Variants in RANBP2 observed in about 807,000 individuals in gnomAD.
RANBP2 encodes the protein E3 SUMO-protein ligase RanBP2.
A neutral mutation model predicts 303.6 loss-of-function variants in RANBP2; 57 were observed. The observed-to-expected ratio is 0.19, with a 90% CI of 0.15 to 0.23. The LOEUF (loss-of-function observed/expected upper bound fraction) is 0.23. Ranked by LOEUF, RANBP2 falls within the 10% of genes least tolerant of loss-of-function variation. RANBP2 has a pLI of 1.00. For synonymous variants in RANBP2, 1,167 were observed against 1,301.5 expected (o/e 0.90, Z 2.23); for missense variants, 3,138 against 3,780.8 (o/e 0.83, Z 4.46).
At chr2:108,820,290 G>GA in the RANBP2 span, among the ~76,000 whole-genome samples, 2 of 151,996 alleles carry the variant, frequency 1.3e-5, no homozygotes, top group Non-Finnish European at 1.5e-5. Context: ...GGAGCAAAGA[G>GA]AAAAAAACGA....
At chr2:108,788,067 GAGA>G (rs764807603), downstream of RANBP2, 8 of 1,597,574 alleles carry the variant, frequency 5.0e-6, no homozygotes, top group Admixed American at 1.7e-5. Flanking sequence ...CTAAGTATAA[GAGA>G]AGAACTCTAA....
chr2:109,401,872 A>G, the RANBP2 span, among the ~76,000 whole-genome samples: 6 of 152,182 alleles, frequency 3.9e-5, no homozygotes, highest in African/African-American at 1.2e-4. Flanking sequence ...ATTAATTTGC[A>G]TACTACCTGG....
the RANBP2 span, chr2:108,912,728 G>C: frequency 6.2e-7 from 1 of 1,602,898 alleles, no homozygotes; most frequent in South Asian, 1.1e-5. Context: ...CGAGGTGCCA[G>C]GGAAGTTGGC....
chr2:108,728,520 C>T (rs1208257319), intron 1 of RANBP2, among the ~76,000 whole-genome samples: 2 of 151,884 alleles, frequency 1.3e-5, no homozygotes, highest in East Asian at 3.9e-4. Flanking sequence ...AAACTCTTGG[C>T]CTCAAAGCTA....
the RANBP2 span, among the ~76,000 whole-genome samples, chr2:109,003,316 A>G: frequency 6.6e-6 from 1 of 151,728 alleles, no homozygotes; most frequent in South Asian, 2.1e-4. Flanking sequence ...TTATGAGCTT[A>G]GCACAGCACT....
chr2:109,430,572 C>A, the RANBP2 span, among the ~76,000 whole-genome samples: 2 of 152,100 alleles, frequency 1.3e-5, no homozygotes, highest in African/African-American at 2.4e-5. Context: ...CACCTCTCCC[C>A]GTTCTCCTCT....
At chr2:109,416,922 AAAG>A in the RANBP2 span, among the ~76,000 whole-genome samples, 3 of 151,444 alleles carry the variant, frequency 2.0e-5, no homozygotes, top group Admixed American at 6.6e-5. Flanking sequence ...AAAAAAAAAA[AAAG>A]AATTGTATGT....
At chr2:109,516,073 A>G in the RANBP2 span, among the ~76,000 whole-genome samples, 1 of 152,132 alleles carries the variant, frequency 6.6e-6, no homozygotes, top group Admixed American at 6.5e-5. Flanking sequence ...TCTCTAGCTG[A>G]GTGGAATGGT....
chr2:109,282,433 CT>C, the RANBP2 span, among the ~76,000 whole-genome samples: 6 of 152,196 alleles, frequency 3.9e-5, no homozygotes, highest in Non-Finnish European at 8.8e-5. Flanking sequence ...TAGGAATCTT[CT>C]GGTCCTGCTC....
chr2:109,490,816 G>C, the RANBP2 span: 1 of 1,536,984 alleles, frequency 6.5e-7, no homozygotes, highest in Non-Finnish European at 8.7e-7. Flanking sequence ...GGTGCCATGG[G>C]GATGGAGCCT....
At position 108,748,925 on chromosome 2, in the gene RANBP2, A is replaced by G. The variant is rs759527479; in HGVS notation, c.1069A>G (p.Met357Val). ...ACDRLSQSGH[M>V]LLNLSRGKQD... is the part of the protein sequence containing the mutation. Reference sequence around the variant, plus strand: ...AACTTAAATTTTTTTTTCAGGGCACATGTTGCTAAACTTAAGTCGTGGCAA... The same window carrying G: ...AACTTAAATTTTTTTTTCAGGGCACGTGTTGCTAAACTTAAGTCGTGGCAA... Residue 357 changes from methionine to valine, a missense_variant, in exon 9 of 29, where the codon ATG becomes GTG. Transcript: ENST00000283195. 6.2e-7 allele frequency: 1 copy of G among 1,612,008 alleles called. No individual in the cohort carries two copies. Among genetic ancestry groups the G allele is most frequent in the Non-Finnish European group, 8.5e-7 (1 of 1,179,862 alleles).
the RANBP2 span, among the ~76,000 whole-genome samples, chr2:109,407,110 G>T: frequency 6.6e-6 from 1 of 152,226 alleles, no homozygotes; most frequent in Non-Finnish European, 1.5e-5. Context: ...CTGGGCAGGG[G>T]CTCTTGCTGG....
the RANBP2 span, among the ~76,000 whole-genome samples, chr2:109,692,333 C>T: frequency 3.3e-5 from 5 of 152,106 alleles, no homozygotes; most frequent in East Asian, 1.9e-4. Flanking sequence ...AGAGGGGTGG[C>T]ACATCTCCTT....
At chr2:109,572,557 G>C in the RANBP2 span, among the ~76,000 whole-genome samples, 1 of 150,702 alleles carries the variant, frequency 6.6e-6, no homozygotes, top group Admixed American at 6.6e-5. Flanking sequence ...AACCCCTCTT[G>C]ACTGCCTGTT....
chr2:109,019,215 T>C, the RANBP2 span, among the ~76,000 whole-genome samples: 1 of 152,240 alleles, frequency 6.6e-6, no homozygotes, highest in Non-Finnish European at 1.5e-5. Flanking sequence ...GGAACAGTAC[T>C]GCCTGAATCA....
chr2:108,812,687 A>G, the RANBP2 span: 2 of 1,612,170 alleles, frequency 1.2e-6, no homozygotes, highest in East Asian at 2.2e-5. Context: ...AAAGAGTTCA[A>G]GCTCGTTTAG....
chr2:109,339,985 T>C, the RANBP2 span, among the ~76,000 whole-genome samples: 2 of 152,348 alleles, frequency 1.3e-5, no homozygotes, highest in Non-Finnish European at 2.9e-5. Flanking sequence ...CGCTTTGTGA[T>C]GCTGAGGAAT....
chr2:108,859,309 G>T, the RANBP2 span, among the ~76,000 whole-genome samples: 1 of 152,098 alleles, frequency 6.6e-6, no homozygotes, highest in Non-Finnish European at 1.5e-5. Flanking sequence ...TCCTTTGTTG[G>T]ATGCAGAATT....
the RANBP2 span, among the ~76,000 whole-genome samples, chr2:109,025,814 GA>G: frequency 8.8e-5 from 13 of 148,372 alleles, no homozygotes; most frequent in South Asian, 6.5e-4. Flanking sequence ...AAAAAAAAAA[GA>G]AAAAAAATTA....
Sources: allele counts gnomAD v4.1 joint callset (sites outside exome capture counted in the v4.1 genomes callset), GRCh38; gene constraint gnomAD v4.1.1; transcripts MANE v1.5; gene names NCBI Gene and HGNC (gene_info 2026-07-23, HGNC 2026-07-21).